Variants in PAK3 observed in about 807,000 individuals in gnomAD.
PAK3 encodes p21 (RAC1) activated kinase 3, also known as serine/threonine-protein kinase PAK 3.
A neutral mutation model predicts 41.0 loss-of-function variants in PAK3; 4 were observed. The ratio of observed to expected loss-of-function variants is 0.10; its 90% confidence interval spans 0.05 to 0.22. PAK3 has a LOEUF of 0.22. PAK3 is among the 10% of genes least tolerant of loss of function. The pLI, the probability that PAK3 is intolerant of heterozygous loss-of-function variation, is 1.00. For synonymous variants in PAK3, 146 were observed against 139.6 expected, an observed-to-expected ratio of 1.05 and a Z score of -0.32; for missense variants, 205 against 409.9, an observed-to-expected ratio of 0.50 and a Z score of 4.32.
intron 1 of PAK3, among the ~76,000 whole-genome samples, chrX:111,035,665 G>A (rs985973155): frequency 1.8e-5 from 2 of 112,269 alleles, no homozygotes; most frequent in African/African-American, 6.5e-5. Context: ...GCAACTACAT[G>A]ATATTATGTT....
rs776771103 is a variant in PAK3 at position 110,953,300 on chromosome X, A to T, written c.-28+8672A>T. Among the ~76,000 whole-genome samples the T allele has an allele frequency of 3.6e-5, 4 of 111,645 alleles. No individual in the cohort carries two copies. In the South Asian group the frequency reaches 1.5e-3, roughly 43 times the overall value. On this transcript the variant is annotated intron_variant, in intron 1 of 14. Coordinates refer to the PAK3 transcript ENST00000425146. ...TCGAGTTCTGGTTTTGTTATTAATT[A>T]GTTGTGTGACCCTGAACTAGAGCTT...
At chrX:110,944,793 T>C (rs1242661245) in intron 1 of PAK3, among the ~76,000 whole-genome samples, 1 of 112,218 alleles carries the variant, frequency 8.9e-6, no homozygotes, top group African/African-American at 3.2e-5. Context: ...CTGGTTCCCT[T>C]TGCCAGTTCG....
intron 1 of PAK3, among the ~76,000 whole-genome samples, chrX:111,080,102 GGGATA>G (rs1161234310): frequency 2.7e-5 from 3 of 112,393 alleles, no homozygotes; most frequent in African/African-American, 9.7e-5. Context: ...CAAAGGATTT[GGGATA>G]TTACATGAAC....
intron 16 of PAK3, among the ~76,000 whole-genome samples, chrX:111,212,410 A>C (rs781640389): frequency 9.0e-6 from 1 of 111,326 alleles, no homozygotes; most frequent in East Asian, 2.8e-4. Flanking sequence ...TTTTACTAAG[A>C]GAGTCCCCAG....
intron 1 of PAK3, among the ~76,000 whole-genome samples, chrX:111,082,340 T>C (rs1169204089): frequency 8.9e-6 from 1 of 112,016 alleles, no homozygotes; most frequent in East Asian, 2.8e-4. Flanking sequence ...GAAATTTGAG[T>C]TATGAAAGTG....
At chrX:110,978,759 C>G (rs1442939344) in intron 1 of PAK3, among the ~76,000 whole-genome samples, 1 of 104,640 alleles carries the variant, frequency 9.6e-6, no homozygotes, top group African/African-American at 3.5e-5. Flanking sequence ...TTCTCTCTCT[C>G]TCTCTTTCTT....
rs140299786 is a variant in PAK3 at position 110,962,415 on chromosome X, T to A, written c.-28+17787T>A. The stretch of plus-strand genomic sequence containing the variant: ...CTGCCACATCTCTAGATTCTCATCA[T>A]CTCTCCTCTGGACCACTACAATATC... On this transcript the variant is annotated intron_variant, in intron 1 of 14. Transcript: ENST00000425146. Among the ~76,000 whole-genome samples, 12 of 112,617 alleles carry A rather than the reference T, an allele frequency of 1.1e-4. No homozygotes were observed. In the East Asian group the frequency reaches 3.3e-3, roughly 31 times the overall value.
chrX:111,076,378 A>T (rs1350972017), intron 1 of PAK3, among the ~76,000 whole-genome samples: 2 of 111,795 alleles, frequency 1.8e-5, no homozygotes, highest in African/African-American at 6.5e-5. Flanking sequence ...CTCTAAGAGA[A>T]AAGTGAATTA....
At chrX:111,155,067 G>T (rs921887211) in intron 8 of PAK3, among the ~76,000 whole-genome samples, 1 of 110,389 alleles carries the variant, frequency 9.1e-6, no homozygotes, top group African/African-American at 3.3e-5. Flanking sequence ...AAAAAATGAT[G>T]ATCTCACTGT....
At chrX:111,141,761 C>T (rs2093876195) in intron 5 of PAK3, among the ~76,000 whole-genome samples, 1 of 111,931 alleles carries the variant, frequency 8.9e-6, no homozygotes, top group African/African-American at 3.2e-5. Flanking sequence ...TGATGAATTT[C>T]TTCCTTAGTA....
upstream of PAK3, among the ~76,000 whole-genome samples, chrX:111,094,829 C>G (rs1204439430): frequency 9.2e-6 from 1 of 109,278 alleles, no homozygotes; most frequent in African/African-American, 3.4e-5. Flanking sequence ...GCTGGGATTA[C>G]AGGCGCATGC....
At chrX:110,959,766 G>C (rs923402196) in intron 1 of PAK3, among the ~76,000 whole-genome samples, 1 of 111,432 alleles carries the variant, frequency 9.0e-6, no homozygotes, top group African/African-American at 3.3e-5. Flanking sequence ...GAGCTGAGGG[G>C]TGATAGCCAC....
intron 11 of PAK3, among the ~76,000 whole-genome samples, chrX:111,185,144 C>A (rs981630153): frequency 7.1e-5 from 8 of 111,891 alleles, no homozygotes; most frequent in African/African-American, 1.6e-4. Context: ...CATTTCTTGA[C>A]CAGTGATGAT....
intron 1 of PAK3, among the ~76,000 whole-genome samples, chrX:111,022,126 T>C (rs776052114): frequency 1.8e-5 from 2 of 111,549 alleles, no homozygotes; most frequent in Admixed American, 1.9e-4. Context: ...TGAGGAAAAC[T>C]TCCCCAGTCT....
chrX:110,967,019 G>C (rs1002775343), intron 1 of PAK3, among the ~76,000 whole-genome samples: 1 of 112,214 alleles, frequency 8.9e-6, no homozygotes, highest in South Asian at 3.8e-4. Context: ...GGGAATGCTA[G>C]ATTACTCAAC....
intron 1 of PAK3, among the ~76,000 whole-genome samples, chrX:110,996,036 G>C (rs765285547): frequency 9.0e-6 from 1 of 111,552 alleles, no homozygotes; most frequent in East Asian, 2.8e-4. Context: ...TGGTTCTCAG[G>C]CTTGCTTCAA....
At chrX:111,217,012 G>A (rs2094886979) in intron 17 of PAK3, 1 of 750,484 alleles carries the variant, frequency 1.3e-6, no homozygotes, top group African/African-American at 2.3e-5. Context: ...CTGCTTGCCT[G>A]GGTGAGTACC....
intron 1 of PAK3, among the ~76,000 whole-genome samples, chrX:111,042,833 T>C (rs1390326510): frequency 1.8e-5 from 2 of 112,244 alleles, no homozygotes; most frequent in African/African-American, 6.5e-5. Flanking sequence ...AATTAAACTA[T>C]AAAGGCAAGG....
At chrX:111,214,475 C>G (rs1249822658) in intron 16 of PAK3, among the ~76,000 whole-genome samples, 1 of 111,729 alleles carries the variant, frequency 9.0e-6, no homozygotes, top group Non-Finnish European at 1.9e-5. Flanking sequence ...CTAGTTTAGC[C>G]CATTGCTTAA....
Sources: gnomAD v4.1 joint callset for allele counts (sites outside exome capture counted in the v4.1 genomes callset) on GRCh38, gnomAD v4.1.1 for gene constraint, MANE v1.5 for transcripts, NCBI Gene and HGNC (gene_info 2026-07-23, HGNC 2026-07-21) for gene names.